SYT2: variants seen among roughly 807,000 people sequenced by gnomAD.
The protein encoded by SYT2 is synaptotagmin 2.
A neutral mutation model predicts 39.9 loss-of-function variants in SYT2; 15 were observed. The observed-to-expected ratio is 0.38, with a 90% CI of 0.25 to 0.58. SYT2 has a LOEUF of 0.58. SYT2 is among the 20% of genes least tolerant of loss of function. The pLI is 0.70. For synonymous variants in SYT2, 181 were observed against 204.5 expected, an observed-to-expected ratio of 0.89 and a Z score of 0.98; for missense variants, 389 against 530.3, an observed-to-expected ratio of 0.73 and a Z score of 2.62.
chr1:202,608,283 AT>A (rs56180154), intron 1 of SYT2, among the ~76,000 whole-genome samples: 58 of 141,348 alleles, frequency 4.1e-4, no homozygotes, highest in African/African-American at 1.4e-3. Context: ...GATAGAAAAC[AT>A]TTTTTTTTTT....
At chr1:202,704,098 C>T (rs746500653) in intron 1 of SYT2, among the ~76,000 whole-genome samples, 15 of 152,172 alleles carry the variant, frequency 9.9e-5, no homozygotes, top group Non-Finnish European at 2.1e-4. Context: ...AGTGATGAGG[C>T]CCTTGGGCTT....
At chr1:202,610,762 A>G (rs1227119498) in intron 1 of SYT2, among the ~76,000 whole-genome samples, 1 of 152,166 alleles carries the variant, frequency 6.6e-6, no homozygotes, top group African/African-American at 2.4e-5. Context: ...AATCCAACTT[A>G]CAAGGGATGT....
In SYT2 at chr1:202,602,983, C is replaced by A. The variant is rs200832292; in HGVS notation, c.465+16G>T. On this transcript the variant is annotated intron_variant, in intron 4 of 8. Transcript: ENST00000367268. The stretch of plus-strand genomic sequence containing the variant: ...CTCCCCATTCCCCCACTCTGCCCCC[C>A]CACAGCCCTGCATACCTGATTAGCC... 1.5e-5 allele frequency: 23 copies of A among 1,573,954 alleles called. No individual in the cohort carries two copies. The highest frequency in any genetic ancestry group is 2.9e-5 in the African/African-American group (2 of 69,152).
chr1:202,639,521 C>T (rs757801208), intron 1 of SYT2: 10 of 985,306 alleles, frequency 1.0e-5, no homozygotes, highest in African/African-American at 1.7e-5. Context: ...TCCTGCCGTG[C>T]CACTCATCTA....
intron 1 of SYT2, among the ~76,000 whole-genome samples, chr1:202,666,096 TGAGCC>T (rs1470266544): frequency 7.1e-6 from 1 of 140,706 alleles, no homozygotes; most frequent in Non-Finnish European, 1.5e-5. Flanking sequence ...GAGCTTGCAG[TGAGCC>T]GAGATCGTGC....
intron 1 of SYT2, among the ~76,000 whole-genome samples, chr1:202,708,063 T>G (rs974473665): frequency 4.6e-5 from 7 of 152,212 alleles, no homozygotes; most frequent in Non-Finnish European, 1.0e-4. Flanking sequence ...GCAAGGTACA[T>G]GCTTTGCCCA....
intron 1 of SYT2, among the ~76,000 whole-genome samples, chr1:202,645,061 C>A (rs945598900): frequency 6.6e-5 from 10 of 152,108 alleles, no homozygotes; most frequent in African/African-American, 2.4e-4. Flanking sequence ...AGGGTGTGTG[C>A]GTGTGTTCAT....
chr1:202,644,164 G>C (rs1692022066), intron 1 of SYT2, among the ~76,000 whole-genome samples: 1 of 152,106 alleles, frequency 6.6e-6, no homozygotes, highest in African/African-American at 2.4e-5. Flanking sequence ...AAAGGCTGGT[G>C]CCAGGGCTCT....
At chr1:202,600,040 G>C (rs761932661) in intron 7 of SYT2, among the ~76,000 whole-genome samples, 52 of 152,200 alleles carry the variant, frequency 3.4e-4, no homozygotes, top group Non-Finnish European at 6.5e-4. Flanking sequence ...TCATGCTTTG[G>C]GCTAAGCCCT....
In SYT2 at chr1:202,667,127, GAAGT is replaced by G. The variant is rs542345990; in HGVS notation, c.-18+43127_-18+43130del. Among the ~76,000 whole-genome samples, 314 of 152,302 alleles carry G rather than the reference GAAGT, an allele frequency of 2.1e-3. 2 individuals carry two copies. The highest frequency in any genetic ancestry group is 0.015 in the South Asian group (73 of 4,826). On this transcript the variant is annotated intron_variant, in intron 1 of 8. Transcript: ENST00000367268. ...AATTTAACAGTTGATAGAGAACTGA[GAAGT>G]AAGGCGGGGAAAAGACTCAACCGAA...
Position 202,591,218 on chromosome 1 carries a change from T to C in SYT2, c.*5539A>G, listed in dbSNP as rs1690101687. ...GGACTTCTGTGTGCAACTTCTGTTGTGGTTTGTGCAGGGCAAGCCTGCCTC... is the reference window on the plus strand; with the variant it reads ...GGACTTCTGTGTGCAACTTCTGTTGCGGTTTGTGCAGGGCAAGCCTGCCTC... On this transcript the variant is annotated 3_prime_UTR_variant, in exon 9 of 9. Coordinates refer to ENST00000367268, the MANE Select transcript of SYT2 (RefSeq NM_177402.5). The C allele has an allele frequency of 6.6e-6, 1 of 152,390 alleles. No individual in the cohort carries two copies. Among genetic ancestry groups the C allele is most frequent in the African/African-American group, 2.4e-5 (1 of 41,476 alleles). 9.4% of individuals were successfully genotyped at this position (152,390 alleles called of 1,614,324 possible). A position where few individuals can be genotyped will look rare whatever the true frequency, so the allele number is the denominator to read the frequency against.
chr1:202,701,130 T>C (rs1315628405), intron 1 of SYT2, among the ~76,000 whole-genome samples: 3 of 152,244 alleles, frequency 2.0e-5, no homozygotes, highest in Non-Finnish European at 1.5e-5. Context: ...TAGTAATATG[T>C]GTGAGTTTTC....
intron 1 of SYT2, among the ~76,000 whole-genome samples, chr1:202,657,081 G>A (rs561371743): frequency 6.6e-6 from 1 of 152,292 alleles, no homozygotes; most frequent in Non-Finnish European, 1.5e-5. Context: ...TCATTTTTGT[G>A]TATGTCCTTT....
In SYT2 at chr1:202,601,949, C is replaced by T; in HGVS notation, c.742G>A (p.Val248Met). ...TCCTCAATGGGCTGGCCGAGGTCCA[C>T]TGTGTTCATAGGCACCTTTACCTCT... ...IGEVKVPMNTVDLGQPIEEWR... is the reference protein window; with the variant it reads ...IGEVKVPMNTMDLGQPIEEWR... Residue 248 changes from valine (V) to methionine (M), a missense_variant, in exon 6 of 9, where the codon GTG becomes ATG. This residue lies in a region of SYT2 where 280 missense variants were observed against 335.6 expected (regional missense o/e 0.83). Coordinates refer to ENST00000367268, the MANE Select transcript of SYT2 (RefSeq NM_177402.5). This position sits in a 1 kb window ranked among gnomAD's most constrained non-coding sequence, Gnocchi z 4.0. The T allele has an allele frequency of 6.2e-7, 1 of 1,614,208 alleles. No individual in the cohort carries two copies. Among genetic ancestry groups the T allele is most frequent in the South Asian group, 1.1e-5 (1 of 91,088 alleles).
intron 1 of SYT2, chr1:202,632,178 T>A: frequency 1.3e-6 from 1 of 747,336 alleles, no homozygotes; most frequent in African/African-American, 1.9e-5. Flanking sequence ...TGGGGCACAT[T>A]GCTGTGGGGG....
intron 3 of SYT2, 30 bp from the exon 4 acceptor site, chr1:202,603,148 G>A (rs755960919): frequency 6.2e-7 from 1 of 1,613,324 alleles, no homozygotes; most frequent in East Asian, 2.2e-5. Flanking sequence ...GAGGGAACAA[G>A]TTAAAAGGGG....
intron 1 of SYT2, among the ~76,000 whole-genome samples, chr1:202,671,913 G>C (rs943121135): frequency 6.6e-6 from 1 of 152,130 alleles, no homozygotes; most frequent in Non-Finnish European, 1.5e-5. Flanking sequence ...TTTCTCTCCA[G>C]GGAAGATAGC....
Position 202,599,483 on chromosome 1 carries a change from G to A in SYT2, c.920-132C>T. The A allele has an allele frequency of 1.9e-6, 2 of 1,067,364 alleles. No individual in the cohort carries two copies. The highest frequency in any genetic ancestry group is 2.6e-6 in the Non-Finnish European group (2 of 763,388). The allele number at this position is 1,067,364 out of a possible 1,614,324, so 66.1% of individuals were successfully genotyped here. On this transcript the variant is annotated intron_variant, in intron 7 of 8. Transcript: ENST00000367268. This position sits in a 1 kb window ranked among gnomAD's most constrained non-coding sequence, Gnocchi z 4.4. ...TCCGCTGAGACCAGGCCCTCAGAAA[G>A]CCCCAAGTCATGCCATCCAGTTCAA...
Position 202,604,449 on chromosome 1 carries a change from CCCTA to C in SYT2, c.345+2_345+5del. ...TCCAGTCCCCCTCACAACCAATGTG[CCCTA>C]CCTGACCCCCTTTCATGTCCTTCAT... On this transcript the variant is annotated splice_donor_variant and splice_donor_5th_base_variant and intron_variant, in intron 3 of 8. Coordinates refer to ENST00000367268, the MANE Select transcript of SYT2 (RefSeq NM_177402.5). LOFTEE classifies it high-confidence loss of function. The C allele has an allele frequency of 6.2e-7, 1 of 1,613,788 alleles. No homozygotes were observed. The highest frequency in any genetic ancestry group is 8.5e-7 in the Non-Finnish European group (1 of 1,179,736).
Sources: allele counts gnomAD v4.1 joint callset (sites outside exome capture counted in the v4.1 genomes callset), GRCh38; gene constraint gnomAD v4.1.1; regional missense constraint gnomAD v4.1.1; non-coding constraint Gnocchi (gnomAD v3.1); transcripts MANE v1.5; gene names NCBI Gene and HGNC (gene_info 2026-07-23, HGNC 2026-07-21).